SH3RF3: variants seen among roughly 807,000 people sequenced by gnomAD.
SH3RF3 encodes the protein E3 ubiquitin-protein ligase SH3RF3.
A neutral mutation model predicts 66.3 loss-of-function variants in SH3RF3; 29 were observed. The ratio of observed to expected loss-of-function variants is 0.44; its 90% CI spans 0.33 to 0.60. The LOEUF is 0.60. Ranked by LOEUF, SH3RF3 falls within the 20% of genes least tolerant of loss-of-function variation. The pLI, the probability that SH3RF3 is intolerant of heterozygous loss-of-function variation, is 0.04. For synonymous variants in SH3RF3, 583 were observed against 532.0 expected, an observed-to-expected ratio of 1.10 and a Z score of -1.32; for missense variants, 1,194 against 1,190.9, an observed-to-expected ratio of 1.00 and a Z score of -0.04.
chr2:109,252,688 C>T (rs1231407910), intron 1 of SH3RF3, among the ~76,000 whole-genome samples: 1 of 152,168 alleles, frequency 6.6e-6, no homozygotes, highest in Non-Finnish European at 1.5e-5. Context: ...CTCAGCCTAG[C>T]CTACTTTAAA....
intron 1 of SH3RF3, among the ~76,000 whole-genome samples, chr2:109,302,933 G>A (rs1165027096): frequency 1.3e-5 from 2 of 152,148 alleles, no homozygotes; most frequent in African/African-American, 2.4e-5. Flanking sequence ...CTGGAGTGCA[G>A]TGGCATGATC....
At chr2:109,441,062 CAA>C (rs1270778379) in intron 7 of SH3RF3, among the ~76,000 whole-genome samples, 6 of 146,078 alleles carry the variant, frequency 4.1e-5, no homozygotes, top group Non-Finnish European at 8.9e-5. Flanking sequence ...AAACAACACT[CAA>C]GAGTCAAACT....
At chr2:109,180,094 A>G (rs7340349) in intron 1 of SH3RF3, among the ~76,000 whole-genome samples, 124,426 of 151,914 alleles carry the variant, frequency 0.82, 51,096 homozygotes, top group East Asian at 0.89. Flanking sequence ...ATGGGCCTCC[A>G]TGGGGTTAGG....
chr2:109,311,989 G>A (rs959014683), intron 1 of SH3RF3, among the ~76,000 whole-genome samples: 1 of 151,880 alleles, frequency 6.6e-6, no homozygotes. Context: ...TGGTGAGGTC[G>A]GCTGCTGCTG....
At chr2:109,180,036 C>G (rs1044906928) in intron 1 of SH3RF3, among the ~76,000 whole-genome samples, 1 of 152,014 alleles carries the variant, frequency 6.6e-6, no homozygotes, top group African/African-American at 2.4e-5. Context: ...GTGGTGGGAT[C>G]TTATTGTAAG....
intron 2 of SH3RF3, among the ~76,000 whole-genome samples, chr2:109,349,289 T>C (rs1682789077): frequency 6.6e-6 from 1 of 152,208 alleles, no homozygotes. Flanking sequence ...CAATGAATAA[T>C]CTATTTTTCA....
chr2:109,149,395 G>A (rs1677180417), intron 1 of SH3RF3, among the ~76,000 whole-genome samples: 1 of 152,222 alleles, frequency 6.6e-6, no homozygotes, highest in Non-Finnish European at 1.5e-5. Flanking sequence ...TAATAACGTA[G>A]CTATTAATAT....
chr2:109,498,814 A>G (rs10171282), intron 9 of SH3RF3, among the ~76,000 whole-genome samples: 50,543 of 152,070 alleles, frequency 0.33, 9,125 homozygotes, highest in Admixed American at 0.5. Flanking sequence ...ATGGCTGGGC[A>G]GTGGAAGATG....
At chr2:109,382,757 G>A (rs1429906054) in intron 3 of SH3RF3, among the ~76,000 whole-genome samples, 1 of 152,198 alleles carries the variant, frequency 6.6e-6, no homozygotes, top group African/African-American at 2.4e-5. Context: ...TCCAGGGCCC[G>A]CAGCTGATGA....
intron 1 of SH3RF3, among the ~76,000 whole-genome samples, chr2:109,219,248 C>G (rs1255170048): frequency 6.6e-6 from 1 of 152,120 alleles, no homozygotes; most frequent in Non-Finnish European, 1.5e-5. Flanking sequence ...CTCAGACTAC[C>G]GTTTTTGCTC....
chr2:109,152,474 G>A (rs1285329316), intron 1 of SH3RF3, among the ~76,000 whole-genome samples: 1 of 152,192 alleles, frequency 6.6e-6, no homozygotes, highest in Admixed American at 6.5e-5. Flanking sequence ...GTGCCTGATG[G>A]GCCTACAGTG....
At chr2:109,470,761 CCT>C (rs1559100894) in intron 8 of SH3RF3, among the ~76,000 whole-genome samples, 1 of 152,210 alleles carries the variant, frequency 6.6e-6, no homozygotes, top group East Asian at 1.9e-4. Flanking sequence ...CTCAGCCACC[CCT>C]GTTCCACAGG....
intron 1 of SH3RF3, among the ~76,000 whole-genome samples, chr2:109,321,675 G>A (rs1682029781): frequency 6.6e-6 from 1 of 152,182 alleles, no homozygotes; most frequent in Admixed American, 6.5e-5. Flanking sequence ...TGGCAAAAAT[G>A]AATAAATTTG....
rs894584968 is a variant in SH3RF3 at position 109,139,549 on chromosome 2, C to A, written c.573+9436C>A. Among the ~76,000 whole-genome samples, 7 of 152,206 alleles carry A rather than the reference C, an allele frequency of 4.6e-5. No individual in the cohort carries two copies. In the South Asian group the frequency reaches 6.2e-4, roughly 14 times the overall value. ...AGGGAAAACTTCCAATGCTAGAAAT[C>A]TGAGTTTTAAAAATTAATTTAAAAA... On this transcript the variant is annotated intron_variant, in intron 1 of 9. Coordinates refer to ENST00000309415, the MANE Select transcript of SH3RF3 (RefSeq NM_001099289.3).
chr2:109,155,943 C>T (rs932272754), intron 1 of SH3RF3, among the ~76,000 whole-genome samples: 1 of 152,166 alleles, frequency 6.6e-6, no homozygotes, highest in African/African-American at 2.4e-5. Flanking sequence ...GTTTCCTTGG[C>T]AACTCAGGAT....
rs1677426925 is a variant in SH3RF3, at chr2:109,437,124, A to G, written c.1806A>G (p.Gln602=). 6.2e-7 allele frequency: 1 copy of G among 1,612,140 alleles called. No individual in the cohort carries two copies. The highest frequency in any genetic ancestry group is 1.1e-5 in the South Asian group (1 of 90,934). Residue 602 remains glutamine (Q), a synonymous_variant, in exon 7 of 10, where the codon CAA becomes CAG. Transcript: ENST00000309415. The part of the protein sequence containing the change: ...LRHSAQPTAS[Q]ARSTISTAAH... ...ACTCAGCCCAGCCAACGGCCAGCCA[A>G]GCCCGGAGCACCATTTCAACAGGTA...
intron 1 of SH3RF3, among the ~76,000 whole-genome samples, chr2:109,152,887 T>C (rs2104877256): frequency 6.6e-6 from 1 of 152,270 alleles, no homozygotes; most frequent in East Asian, 1.9e-4. Flanking sequence ...TACTTGCTCC[T>C]TGTTCTCGAT....
At chr2:109,365,810 A>G (rs140803297) in intron 2 of SH3RF3, among the ~76,000 whole-genome samples, 3 of 152,350 alleles carry the variant, frequency 2.0e-5, no homozygotes, top group East Asian at 3.9e-4. Flanking sequence ...CTTGTGAACT[A>G]TGATCCTGCC....
In SH3RF3 at chr2:109,351,125, C is replaced by T. The variant is rs1235751248; in HGVS notation, c.849+3176C>T. Among the ~76,000 whole-genome samples, 6 of 152,222 alleles carry T rather than the reference C, an allele frequency of 3.9e-5. No individual in the cohort carries two copies. The East Asian group carries it at 9.6e-4, about 24-fold the overall frequency. The stretch of plus-strand genomic sequence containing the variant: ...GTGATATTTTATTACTTCTTAGTAG[C>T]CCGACTCCAGAAAGCTGGGCATGTG... On this transcript the variant is annotated intron_variant, in intron 2 of 9. Transcript: ENST00000309415.
Sources: gnomAD v4.1 joint callset for allele counts (sites outside exome capture counted in the v4.1 genomes callset) on GRCh38, gnomAD v4.1.1 for gene constraint, MANE v1.5 for transcripts, NCBI Gene and HGNC (gene_info 2026-07-23, HGNC 2026-07-21) for gene names.